The following SBNO2 variants were observed in gnomAD, a reference collection of about 807,000 sequenced individuals.
SBNO2 encodes protein strawberry notch homolog 2.
A neutral mutation model predicts 146.3 loss-of-function variants in SBNO2; 89 were observed. That is an observed-to-expected ratio of 0.61 (90% CI 0.51 to 0.73). The LOEUF (loss-of-function observed/expected upper bound fraction) is 0.73, where lower values mean the gene tolerates loss of function less well. SBNO2 is among the 30% of genes least tolerant of loss of function. The probability of loss-of-function intolerance (pLI) is 0.00; values close to 1 mark genes in which losing one functional copy is unlikely to be tolerated. For synonymous variants in SBNO2, 1,147 were observed against 892.6 expected (o/e 1.29, Z -5.08); for missense variants, 2,092 against 2,003.7 (o/e 1.04, Z -0.84).
chr19:1,156,330 A>C (rs1164118268), intron 1 of SBNO2, among the ~76,000 whole-genome samples: 1 of 152,082 alleles, frequency 6.6e-6, no homozygotes, highest in Non-Finnish European at 1.5e-5. Flanking sequence ...TGCCTTGGGG[A>C]CCTGGCAGGG....
rs759727390 is a variant in SBNO2 at position 1,147,419 on chromosome 19, G to C, written c.169C>G (p.Pro57Ala). ...AGGAAGGAGGCGGAGCTCATGAACG[G>C]GCTGGAGGGAGATGGGGGGGGGGGA... ...PYPAFSSDSR[P>A]FMSSASFLGS... The change falls in exon 4 of 32, where the codon CCG becomes GCG. Residue 57 changes from proline to alanine, a missense_variant and splice_region_variant. Physicochemically the swap from Pro to Ala is conservative, Grantham distance 27. Transcript: ENST00000361757. 1 of 1,482,116 alleles carries C rather than the reference G, an allele frequency of 6.7e-7. No homozygotes were observed. Among genetic ancestry groups the C allele is most frequent in the Non-Finnish European group, 8.9e-7 (1 of 1,117,512 alleles). 91.8% of individuals were successfully genotyped at this position (1,482,116 alleles called of 1,614,324 possible).
chr19:1,134,017 C>T (rs1291804607), intron 4 of SBNO2, among the ~76,000 whole-genome samples: 2 of 151,782 alleles, frequency 1.3e-5, no homozygotes, highest in Non-Finnish European at 2.9e-5. Context: ...GACCCACAGC[C>T]CACAGGACCC....
At position 1,132,567 on chromosome 19, in the gene SBNO2, G is replaced by A. The variant is rs534320366; in HGVS notation, c.280-4802C>T. ...CCACGGGGACCAGCTGCTGTTCCTG[G>A]TGCCCCCAAACCACAGGCAGGGAAA... On this transcript the variant is annotated intron_variant, in intron 4 of 31. Transcript: ENST00000361757. Among the ~76,000 whole-genome samples the A allele has an allele frequency of 2.0e-5, 3 of 152,308 alleles. No homozygotes were observed. The East Asian group carries it at 5.8e-4, about 29-fold the overall frequency.
intron 12 of SBNO2, 28 bp from the exon 13 acceptor site, chr19:1,119,649 C>A: frequency 6.4e-7 from 1 of 1,574,520 alleles, no homozygotes; most frequent in East Asian, 2.3e-5. Flanking sequence ...CGTCAGCTCC[C>A]CAACCCGGGA....
chr19:1,117,633 G>C, intron 14 of SBNO2, 134 bp from the exon 15 acceptor site: 1 of 909,886 alleles, frequency 1.1e-6, no homozygotes, highest in Non-Finnish European at 1.6e-6. Flanking sequence ...GGGGGTGCTG[G>C]GGGTGTGCAC....
intron 4 of SBNO2, among the ~76,000 whole-genome samples, chr19:1,146,193 C>T (rs944582743): frequency 3.3e-5 from 5 of 152,188 alleles, no homozygotes; most frequent in African/African-American, 1.2e-4. Context: ...CAAAAAGACC[C>T]TACTTTCCAG....
chr19:1,108,076 C>T lies in SBNO2; in HGVS notation c.*144G>A. Reference sequence around the variant, plus strand: ...CCCGCCAGGGCTGACCAGGTGGGGGCCCGGGTCGGGCGCTGAAGGCACTGC... The same window carrying T: ...CCCGCCAGGGCTGACCAGGTGGGGGTCCGGGTCGGGCGCTGAAGGCACTGC... On this transcript the variant is annotated 3_prime_UTR_variant, in exon 32 of 32. Coordinates refer to ENST00000361757, the MANE Select transcript of SBNO2 (RefSeq NM_014963.3). 2.1e-6 allele frequency: 2 copies of T among 956,624 alleles called. No individual in the cohort carries two copies. The highest frequency in any genetic ancestry group is 1.4e-6 in the Non-Finnish European group (1 of 710,024). 59.3% of individuals were successfully genotyped at this position (956,624 alleles called of 1,614,324 possible).
rs745553657 is a variant in SBNO2 at position 1,123,553 on chromosome 19, G to A, written c.609C>T (p.Ala203=). The A allele has an allele frequency of 4.3e-5, 70 of 1,613,326 alleles. No homozygotes were observed. Among genetic ancestry groups the A allele is most frequent in the Non-Finnish European group, 5.7e-5 (67 of 1,179,756 alleles). ...ACTCACACTTGGACGGCACGTAGTC[G>A]GCGTAGGTCTCTGTGTGCCCCAGCT... The part of the protein sequence containing the change: ...AEELGHTETY[A]DYVPSKSKIG... The change falls in exon 7 of 32, where the codon GCC becomes GCT. Residue 203 remains alanine, a synonymous_variant. Transcript: ENST00000361757.
intron 1 of SBNO2, among the ~76,000 whole-genome samples, chr19:1,170,739 C>G (rs1296842025): frequency 6.6e-6 from 1 of 152,098 alleles, no homozygotes; most frequent in Non-Finnish European, 1.5e-5. Context: ...GCACACAACA[C>G]ACACAACGGA....
Position 1,110,563 on chromosome 19 carries a change from TGGGATGCCCGGCGTTCCCACG to T in SBNO2, c.3028+161_3028+181del. 1 of 504,404 alleles carries T rather than the reference TGGGATGCCCGGCGTTCCCACG, an allele frequency of 2.0e-6. No homozygotes were observed. Among genetic ancestry groups the T allele is most frequent in the South Asian group, 4.4e-5 (1 of 22,616 alleles). 31.2% of individuals were successfully genotyped at this position (504,404 alleles called of 1,614,324 possible). On this transcript the variant is annotated intron_variant, in intron 26 of 31. Coordinates refer to ENST00000361757, the MANE Select transcript of SBNO2 (RefSeq NM_014963.3). The surrounding 1 kb of genome is among the most constrained non-coding windows in gnomAD (Gnocchi z 4.9). ...TGTTCCCACGAGCCCCGAGCCCACC[TGGGATGCCCGGCGTTCCCACG>T]AGCCCCTCGCCCACCCGGGATGCAC...
chr19:1,154,340 C>T lies in SBNO2; in HGVS notation c.-64G>A. On this transcript the variant is annotated 5_prime_UTR_variant, in exon 2 of 32. Transcript: ENST00000361757. ...GGCGGCGGGACTCCAGGACCCGGGGCCGCCGGGGCGTCTATCTGGGCTTCT... is the reference window on the plus strand; with the variant it reads ...GGCGGCGGGACTCCAGGACCCGGGGTCGCCGGGGCGTCTATCTGGGCTTCT... 1.1e-6 allele frequency: 1 copy of T among 936,036 alleles called. No individual in the cohort carries two copies. The highest frequency in any genetic ancestry group is 1.4e-6 in the Non-Finnish European group (1 of 716,404). 58.0% of individuals were successfully genotyped at this position (936,036 alleles called of 1,614,324 possible).
At position 1,126,654 on chromosome 19, in the gene SBNO2, C is replaced by T. The variant is rs771979478; in HGVS notation, c.441+950G>A. 1.3e-5 allele frequency among the ~76,000 whole-genome samples: 2 copies of T among 152,178 alleles called. No individual in the cohort carries two copies. Among genetic ancestry groups the T allele is most frequent in the Non-Finnish European group, 2.9e-5 (2 of 68,028 alleles). On this transcript the variant is annotated intron_variant, in intron 5 of 31. Coordinates refer to ENST00000361757, the MANE Select transcript of SBNO2 (RefSeq NM_014963.3). The surrounding 1 kb of genome is among the most constrained non-coding windows in gnomAD (Gnocchi z 4.4). ...CCGTGAGTTCTGCTGCCCGGGTTGC[C>T]CCTTCCTGAGGGCCCGGGAGAGCGG...
chr19:1,154,279 G>C lies in SBNO2; in HGVS notation c.-3C>G. Reference sequence around the variant, plus strand: ...ATGGCGGGCCCCACTGCAAGCATCGGGCGGCAGGCGGGGTGGGGTCCTCGG... The same window carrying C: ...ATGGCGGGCCCCACTGCAAGCATCGCGCGGCAGGCGGGGTGGGGTCCTCGG... On this transcript the variant is annotated 5_prime_UTR_variant, in exon 2 of 32. Transcript: ENST00000361757. The C allele has an allele frequency of 7.9e-7, 1 of 1,261,354 alleles. No individual in the cohort carries two copies. Among genetic ancestry groups the C allele is most frequent in the Non-Finnish European group, 1.0e-6 (1 of 1,002,246 alleles). 78.1% of individuals were successfully genotyped at this position (1,261,354 alleles called of 1,614,324 possible).
chr19:1,132,289 C>CGCCGGCGCCTACTTCCTCTAAG, intron 4 of SBNO2: 1 of 1,310,926 alleles, frequency 7.6e-7, no homozygotes, highest in African/African-American at 1.5e-5. Context: ...TAGTCACCGC[C>CGCCGGCGCCTACTTCCTCTAAG]GCCGGCGCCT....
At chr19:1,115,408 T>C (rs923318154) in intron 17 of SBNO2, 2 of 150,996 alleles carry the variant, frequency 1.3e-5, no homozygotes, top group African/African-American at 4.9e-5. Context: ...GCCCAGCTAA[T>C]TTTTGTATTT....
intron 1 of SBNO2, among the ~76,000 whole-genome samples, chr19:1,160,978 G>C (rs1421572293): frequency 6.7e-6 from 1 of 149,848 alleles, no homozygotes; most frequent in African/African-American, 2.5e-5. Context: ...AGGACGGAAA[G>C]AAAGGGTGGA....
At chr19:1,156,172 C>T (rs774234670) in intron 1 of SBNO2, among the ~76,000 whole-genome samples, 1 of 152,162 alleles carries the variant, frequency 6.6e-6, no homozygotes, top group African/African-American at 2.4e-5. Context: ...CCTAGGCCAG[C>T]ACGGTGCTCC....
In SBNO2 at chr19:1,150,972, C is replaced by T. The variant is rs983568451; in HGVS notation, c.94-1530G>A. On this transcript the variant is annotated intron_variant, in intron 2 of 31. Coordinates refer to ENST00000361757, the MANE Select transcript of SBNO2 (RefSeq NM_014963.3). The surrounding 1 kb of genome is among the most constrained non-coding windows in gnomAD (Gnocchi z 6.2). ...AGCTCCTCCCCTGCACAGAGGCCGG[C>T]AGCCTGGGCACCCTGAGCTCCTGCA... Among the ~76,000 whole-genome samples, 1 of 152,260 alleles carries T rather than the reference C, an allele frequency of 6.6e-6. No homozygotes were observed. The highest frequency in any genetic ancestry group is 2.4e-5 in the African/African-American group (1 of 41,478).
chr19:1,111,942 C>T, intron 23 of SBNO2, 54 bp downstream of exon 23: 1 of 1,482,256 alleles, frequency 6.7e-7, no homozygotes, highest in South Asian at 1.2e-5. Flanking sequence ...AGATCCGGCC[C>T]TCCCTAGACC....
Sources: gnomAD v4.1 joint callset for allele counts (sites outside exome capture counted in the v4.1 genomes callset) on GRCh38, gnomAD v4.1.1 for gene constraint, Gnocchi (gnomAD v3.1) non-coding constraint, MANE v1.5 for transcripts, NCBI Gene and HGNC (gene_info 2026-07-23, HGNC 2026-07-21) for gene names.